ZNF280D: variants seen among roughly 807,000 people sequenced by gnomAD.
ZNF280D encodes the protein suppressor of hairy wing homolog 4.
ZNF280D carries 39 observed loss-of-function variants against 94.7 expected under a neutral mutation model. The observed-to-expected ratio is 0.41, with a 90% CI of 0.32 to 0.54. The LOEUF is 0.54. Among genes scored for constraint, ZNF280D ranks in the 20% least tolerant of loss-of-function variants. The pLI is 0.22. For missense variants in ZNF280D, 1,090 were observed against 1,149.3 expected, an observed-to-expected ratio of 0.95 and a Z score of 0.75; for synonymous variants, 398 against 377.6, an observed-to-expected ratio of 1.05 and a Z score of -0.63.
intron 1 of ZNF280D, among the ~76,000 whole-genome samples, chr15:56,727,000 C>T (rs2058660910): frequency 6.6e-6 from 1 of 152,060 alleles, no homozygotes; most frequent in African/African-American, 2.4e-5. Flanking sequence ...TATTTTAACC[C>T]CCCCAAAAAA....
chr15:56,712,531 C>T (rs1378510122), intron 1 of ZNF280D, among the ~76,000 whole-genome samples: 21 of 124,122 alleles, frequency 1.7e-4, no homozygotes, highest in African/African-American at 5.0e-4. Context: ...GAGGTTGAGG[C>T]TGCAGTGAGC....
intron 1 of ZNF280D, among the ~76,000 whole-genome samples, chr15:56,727,659 A>T (rs1426377941): frequency 1.3e-5 from 2 of 152,140 alleles, no homozygotes; most frequent in African/African-American, 4.8e-5. Flanking sequence ...CTCAGACTTC[A>T]TTTTCTGCCC....
intron 20 of ZNF280D, among the ~76,000 whole-genome samples, chr15:56,639,933 G>A (rs1400447846): frequency 3.3e-5 from 5 of 152,018 alleles, no homozygotes; most frequent in East Asian, 3.9e-4. Flanking sequence ...AGTCTGGGAG[G>A]AGATCTTCAG....
chr15:56,676,160 C>T (rs1010167551), intron 13 of ZNF280D, among the ~76,000 whole-genome samples: 1 of 151,984 alleles, frequency 6.6e-6, no homozygotes, highest in Non-Finnish European at 1.5e-5. Flanking sequence ...CATTACTATT[C>T]CCATGGTCAC....
rs1596655996 is a variant in ZNF280D at position 56,718,552 on chromosome 15, T to A, written c.-85-11246A>T. Among the ~76,000 whole-genome samples the A allele has an allele frequency of 3.3e-5, 5 of 152,328 alleles. No individual in the cohort carries two copies. In the South Asian group the frequency reaches 1.0e-3, roughly 32 times the overall value. On this transcript the variant is annotated intron_variant, in intron 1 of 21. Transcript: ENST00000267807. ...AAAGGCTATGCTTCAACAGACTGCT[T>A]AAATCTACAATGAATCTAAATCAGT...
rs754261134 is a variant in ZNF280D, at chr15:56,658,472, C to T, written c.2009G>A (p.Arg670His). The T allele has an allele frequency of 1.0e-5, 16 of 1,575,620 alleles. No individual in the cohort carries two copies. The highest frequency in any genetic ancestry group is 2.3e-5 in the East Asian group (1 of 42,708). ...VNHMMSFHSN[R>H]PSKRFCIFKK... ...AAAAATACAAAACCTTTTGCTTGGACGGTTACTATGAAAGCTGGAGAAACA... is the reference window on the plus strand; with the variant it reads ...AAAAATACAAAACCTTTTGCTTGGATGGTTACTATGAAAGCTGGAGAAACA... Residue 670 changes from arginine to histidine, a missense_variant, in exon 17 of 22, where the codon CGT becomes CAT. Physicochemically the swap from Arg to His is conservative, Grantham distance 29. Around this residue, in one of 3 missense-constraint regions of ZNF280D, gnomAD observed 577 missense variants for 568.8 expected, o/e 1.01. Coordinates refer to ENST00000267807, the MANE Select transcript of ZNF280D (RefSeq NM_017661.4).
chr15:56,718,453 A>C (rs2058161688), intron 1 of ZNF280D, among the ~76,000 whole-genome samples: 1 of 152,214 alleles, frequency 6.6e-6, no homozygotes, highest in Admixed American at 6.5e-5. Flanking sequence ...TTATAGCATC[A>C]TGATAAATCA....
chr15:56,678,007 C>CTTTT (rs1198357496), intron 11 of ZNF280D, among the ~76,000 whole-genome samples: 7 of 137,188 alleles, frequency 5.1e-5, no homozygotes, highest in Non-Finnish European at 8.0e-5. Context: ...AATTTTCTTT[C>CTTTT]TTTTTTTTTT....
chr15:56,662,484 A>AC (rs1209157844), intron 16 of ZNF280D, among the ~76,000 whole-genome samples: 1 of 151,976 alleles, frequency 6.6e-6, no homozygotes, highest in Non-Finnish European at 1.5e-5. Context: ...AAATACAAAG[A>AC]CCCCCTTCTT....
chr15:56,733,356 A>G, intron 1 of ZNF280D, 102 bp downstream of exon 1: 1 of 696,202 alleles, frequency 1.4e-6, no homozygotes, highest in Non-Finnish European at 1.8e-6. Context: ...CGCCGGCCTC[A>G]AGACCCCCAG....
chr15:56,721,030 T>C (rs1328332259), intron 1 of ZNF280D, among the ~76,000 whole-genome samples: 1 of 150,324 alleles, frequency 6.7e-6, no homozygotes, highest in Non-Finnish European at 1.5e-5. Context: ...TGGCACCATC[T>C]AAACTCACTG....
intron 21 of ZNF280D, among the ~76,000 whole-genome samples, chr15:56,633,237 A>G (rs542848568): frequency 2.6e-5 from 4 of 152,290 alleles, no homozygotes; most frequent in Admixed American, 2.0e-4. Flanking sequence ...TTATTTACTA[A>G]ATTACTATTT....
intron 1 of ZNF280D, among the ~76,000 whole-genome samples, chr15:56,722,531 A>G (rs1257400277): frequency 1.3e-5 from 2 of 152,240 alleles, no homozygotes; most frequent in African/African-American, 2.4e-5. Context: ...ACTAATAAAT[A>G]AAATGTGGTG....
chr15:56,687,783 C>T (rs959032061), intron 9 of ZNF280D, among the ~76,000 whole-genome samples: 10 of 152,180 alleles, frequency 6.6e-5, no homozygotes, highest in South Asian at 4.1e-4. Context: ...GACCAAAACA[C>T]AACGTGCAGT....
At chr15:56,667,772 C>T (rs1385850239) in intron 14 of ZNF280D, among the ~76,000 whole-genome samples, 4 of 152,026 alleles carry the variant, frequency 2.6e-5, no homozygotes, top group Non-Finnish European at 5.9e-5. Flanking sequence ...AGCCATGTGA[C>T]CTTGAACAAG....
intron 6 of ZNF280D, among the ~76,000 whole-genome samples, chr15:56,694,570 T>C (rs1464978728): frequency 6.6e-6 from 1 of 152,134 alleles, no homozygotes; most frequent in Non-Finnish European, 1.5e-5. Context: ...AATACCTTTT[T>C]TCCAAATTAC....
At chr15:56,712,740 CTTT>C (rs370458226) in intron 1 of ZNF280D, among the ~76,000 whole-genome samples, 3 of 133,492 alleles carry the variant, frequency 2.2e-5, no homozygotes, top group Admixed American at 7.7e-5. Flanking sequence ...TGGTGAATGG[CTTT>C]TTTTTTTTTT....
At chr15:56,724,497 G>A (rs1252438710) in intron 1 of ZNF280D, among the ~76,000 whole-genome samples, 1 of 152,154 alleles carries the variant, frequency 6.6e-6, no homozygotes, top group Non-Finnish European at 1.5e-5. Context: ...AAATAGAAGA[G>A]AACATGTAAT....
intron 4 of ZNF280D, among the ~76,000 whole-genome samples, chr15:56,702,188 C>T (rs2057121965): frequency 6.6e-6 from 1 of 152,086 alleles, no homozygotes; most frequent in East Asian, 1.9e-4. Flanking sequence ...TAATTAAACA[C>T]TACAGAAGTC....
Sources: gnomAD v4.1 joint callset for allele counts (sites outside exome capture counted in the v4.1 genomes callset) on GRCh38, gnomAD v4.1.1 for gene constraint, gnomAD v4.1.1 regional missense constraint, MANE v1.5 for transcripts, NCBI Gene and HGNC (gene_info 2026-07-23, HGNC 2026-07-21) for gene names.